The following IGF2BP1 variants were observed in gnomAD, a reference collection of about 807,000 sequenced individuals.
IGF2BP1 encodes insulin like growth factor 2 mRNA binding protein 1.
Under a neutral mutation model 74.9 loss-of-function variants are expected in IGF2BP1, and 11 were observed. The observed-to-expected ratio is 0.15, with a 90% CI of 0.09 to 0.24. The LOEUF (loss-of-function observed/expected upper bound fraction) is 0.24. Ranked by LOEUF, IGF2BP1 falls within the 10% of genes least tolerant of loss-of-function variation. The pLI, the probability that IGF2BP1 is intolerant of heterozygous loss-of-function variation, is 1.00. For synonymous variants in IGF2BP1, 287 were observed against 281.8 expected, an observed-to-expected ratio of 1.02 and a Z score of -0.18; for missense variants, 440 against 757.4, an observed-to-expected ratio of 0.58 and a Z score of 4.92.
intron 14 of IGF2BP1, 66 bp downstream of exon 14, chr17:49,046,439 C>T: frequency 8.2e-7 from 1 of 1,223,400 alleles, no homozygotes; most frequent in Non-Finnish European, 1.2e-6. Context: ...AGCAGAGACT[C>T]TATAGAGGTT....
At chr17:49,035,113 C>T (rs1238143970) in intron 5 of IGF2BP1, among the ~76,000 whole-genome samples, 1 of 152,164 alleles carries the variant, frequency 6.6e-6, no homozygotes, top group Non-Finnish European at 1.5e-5. Flanking sequence ...GAATTCAGAG[C>T]CTAGAAAAGC....
chr17:49,021,779 A>G (rs1015135973), intron 2 of IGF2BP1, among the ~76,000 whole-genome samples: 1 of 152,232 alleles, frequency 6.6e-6, no homozygotes, highest in African/African-American at 2.4e-5. Flanking sequence ...ATCCAGGCAT[A>G]TAGAAGGTGC....
At chr17:49,005,322 A>G (rs923674409) in intron 2 of IGF2BP1, among the ~76,000 whole-genome samples, 2 of 152,260 alleles carry the variant, frequency 1.3e-5, no homozygotes, top group Non-Finnish European at 2.9e-5. Context: ...ACCATCAGAA[A>G]TGCAGTCCTT....
At chr17:49,014,709 G>A (rs1347435697) in intron 2 of IGF2BP1, 2 of 932,218 alleles carry the variant, frequency 2.1e-6, no homozygotes, top group Non-Finnish European at 1.3e-6. Flanking sequence ...CTACTGCGCA[G>A]CGGCCGCCAC....
chr17:49,043,256 A>C (rs1323172889), intron 9 of IGF2BP1, among the ~76,000 whole-genome samples, 172 bp from the exon 10 acceptor site: 1 of 152,140 alleles, frequency 6.6e-6, no homozygotes, highest in African/African-American at 2.4e-5. Flanking sequence ...CCACACCCGA[A>C]GTGTGTAGGT....
chr17:48,997,655 G>C lies in IGF2BP1; in HGVS notation c.-91G>C. 1 of 1,376,154 alleles carries C rather than the reference G, an allele frequency of 7.3e-7. No individual in the cohort carries two copies. The highest frequency in any genetic ancestry group is 1.0e-6 in the Non-Finnish European group (1 of 1,004,492). 85.2% of individuals were successfully genotyped at this position (1,376,154 alleles called of 1,614,324 possible). A position where few individuals can be genotyped will look rare whatever the true frequency, so the allele number is the denominator to read the frequency against. On this transcript the variant is annotated 5_prime_UTR_variant, in exon 1 of 15. Transcript: ENST00000290341. The surrounding 1 kb of genome is among the most constrained non-coding windows in gnomAD (Gnocchi z 4.8). ...AAGAAAGTTTGCGGCTCCTGCCGCC[G>C]GCCTCTCCGCCTCTTGGCCTAGGAG...
chr17:49,013,745 C>G (rs905395383), intron 2 of IGF2BP1: 24 of 152,288 alleles, frequency 1.6e-4, no homozygotes, highest in African/African-American at 5.8e-4. Flanking sequence ...GGTGGCTCTG[C>G]AGAGAGACAA....
intron 8 of IGF2BP1, among the ~76,000 whole-genome samples, chr17:49,041,990 A>G (rs551996754): frequency 3.3e-5 from 5 of 152,350 alleles, no homozygotes; most frequent in Admixed American, 2.0e-4. Flanking sequence ...TGGAGGCACA[A>G]CCATAATCTG....
intron 5 of IGF2BP1, among the ~76,000 whole-genome samples, chr17:49,032,729 C>T (rs2041940045): frequency 2.6e-5 from 4 of 152,138 alleles, no homozygotes; most frequent in Admixed American, 2.6e-4. Context: ...TCAGAATTTT[C>T]TAGAGGTTCC....
At position 49,054,839 on chromosome 17, in the gene IGF2BP1, AAGG is replaced by A. The variant is rs1306088733; in HGVS notation, c.*5398_*5400del. 1.3e-5 allele frequency: 2 copies of A among 152,254 alleles called. No individual in the cohort carries two copies. The highest frequency in any genetic ancestry group is 6.6e-5 in the Admixed American group (1 of 15,264). The allele number at this position is 152,254 out of a possible 1,614,324, so 9.4% of individuals were successfully genotyped here. On this transcript the variant is annotated 3_prime_UTR_variant, in exon 15 of 15. Coordinates refer to ENST00000290341, the MANE Select transcript of IGF2BP1 (RefSeq NM_006546.4). ...TCAATGGGGGCCCAGTTGGCTCTAG[AAGG>A]AGAAGAGGTGAAGCAGGATCCTTTG... is the stretch of plus-strand genomic sequence containing the variant.
intron 12 of IGF2BP1, 117 bp downstream of exon 12, chr17:49,045,182 C>CT: frequency 1.3e-6 from 1 of 779,378 alleles, no homozygotes; most frequent in Non-Finnish European, 2.2e-6. Flanking sequence ...CTCATCACAT[C>CT]TTTAAGCCTT....
At position 49,039,968 on chromosome 17, in the gene IGF2BP1, A is replaced by G; in HGVS notation, c.695A>G (p.His232Arg). 1 of 1,612,696 alleles carries G rather than the reference A, an allele frequency of 6.2e-7. No individual in the cohort carries two copies. Among genetic ancestry groups the G allele is most frequent in the Non-Finnish European group, 8.5e-7 (1 of 1,180,014 alleles). Residue 232 changes from histidine to arginine, a missense_variant, in exon 7 of 15, where the codon CAT becomes CGT. His to Arg is a conservative substitution (Grantham distance 29). Around this residue, in one of 5 missense-constraint regions of IGF2BP1, gnomAD observed 184 missense variants for 273.4 expected, o/e 0.67. Coordinates refer to ENST00000290341, the MANE Select transcript of IGF2BP1 (RefSeq NM_006546.4). Reference sequence around the variant, plus strand: ...CTTGTGGCCCCCAGGATAGACGTGCATAGGAAGGAGAACGCAGGTGCAGCT... The same window carrying G: ...CTTGTGGCCCCCAGGATAGACGTGCGTAGGAAGGAGAACGCAGGTGCAGCT... ...TKQTQSKIDVHRKENAGAAEK... is the reference protein window; with the variant it reads ...TKQTQSKIDVRRKENAGAAEK...
intron 2 of IGF2BP1, among the ~76,000 whole-genome samples, chr17:49,019,904 TTA>T (rs60753189): frequency 0.026 from 1,136 of 43,712 alleles, 7 homozygotes; most frequent in East Asian, 0.04. Context: ...CCTGGCTAAT[TTA>T]TATATATATA....
At chr17:49,014,835 G>A (rs2041673834) in intron 2 of IGF2BP1, 1 of 985,408 alleles carries the variant, frequency 1.0e-6, no homozygotes. Flanking sequence ...CTCATGGTGC[G>A]GTGGGAAGCT....
At chr17:49,041,890 C>T (rs2042056769) in intron 8 of IGF2BP1, among the ~76,000 whole-genome samples, 1 of 152,170 alleles carries the variant, frequency 6.6e-6, no homozygotes, top group Admixed American at 6.5e-5. Flanking sequence ...CAGTGTGCTT[C>T]GTTTCATCAG....
At chr17:49,001,517 C>A (rs1164970229) in intron 2 of IGF2BP1, among the ~76,000 whole-genome samples, 1 of 152,096 alleles carries the variant, frequency 6.6e-6, no homozygotes, top group Non-Finnish European at 1.5e-5. Context: ...GTAGCAATAC[C>A]TCTTAATGTA....
intron 2 of IGF2BP1, among the ~76,000 whole-genome samples, chr17:49,011,158 A>AAAC (rs2041614819): frequency 6.9e-6 from 1 of 144,156 alleles, no homozygotes; most frequent in Admixed American, 6.9e-5. Flanking sequence ...AAAAAAAAAA[A>AAAC]AAAAAAAAAC....
chr17:49,034,374 C>T (rs538044552), intron 5 of IGF2BP1, among the ~76,000 whole-genome samples: 94 of 151,314 alleles, frequency 6.2e-4, no homozygotes, highest in African/African-American at 2.2e-3. Context: ...CCACCTTGGC[C>T]TCCCAAAGTG....
chr17:49,011,137 C>CAAAAAAAAAAAAAAAAAAAAAA, intron 2 of IGF2BP1, among the ~76,000 whole-genome samples: 1 of 57,298 alleles, frequency 1.7e-5, no homozygotes, highest in Non-Finnish European at 3.2e-5. Flanking sequence ...GACTCTGTCT[C>CAAAAAAAAAAAAAAAAAAAAAA]AAAAAAAAAA....
Sources: allele counts gnomAD v4.1 joint callset (sites outside exome capture counted in the v4.1 genomes callset), GRCh38; gene constraint gnomAD v4.1.1; regional missense constraint gnomAD v4.1.1; non-coding constraint Gnocchi (gnomAD v3.1); transcripts MANE v1.5; gene names NCBI Gene and HGNC (gene_info 2026-07-23, HGNC 2026-07-21).